Variants in ASIC2 observed in about 807,000 individuals in gnomAD.
The protein encoded by ASIC2 is acid-sensing ion channel 2.
Under a neutral mutation model 57.3 loss-of-function variants are expected in ASIC2, and 25 were observed. The observed-to-expected ratio is 0.44, with a 90% confidence interval of 0.32 to 0.61. The LOEUF (loss-of-function observed/expected upper bound fraction) is 0.61, where lower values mean the gene tolerates loss of function less well. Ranked by LOEUF, ASIC2 falls within the 20% of genes least tolerant of loss-of-function variation. The pLI is 0.06. For missense variants in ASIC2, 641 were observed against 738.1 expected (o/e 0.87, Z 1.52); for synonymous variants, 319 against 307.5 (o/e 1.04, Z -0.39).
intron 1 of ASIC2, among the ~76,000 whole-genome samples, chr17:33,371,985 G>A (rs980207294): frequency 3.3e-5 from 5 of 152,054 alleles, no homozygotes; most frequent in Non-Finnish European, 7.4e-5. Flanking sequence ...AGCTGGGGAG[G>A]CAGTGAGGGT....
At chr17:33,987,516 A>G (rs1905860006) in intron 1 of ASIC2, among the ~76,000 whole-genome samples, 1 of 152,174 alleles carries the variant, frequency 6.6e-6, no homozygotes, top group African/African-American at 2.4e-5. Context: ...CAGTCACCTC[A>G]TTTGAAATCT....
intron 1 of ASIC2, among the ~76,000 whole-genome samples, chr17:34,130,751 A>G (rs1911928632): frequency 6.6e-6 from 1 of 152,226 alleles, no homozygotes; most frequent in Non-Finnish European, 1.5e-5. Context: ...ATGTTTGCAT[A>G]ACTAGTGCAT....
chr17:34,064,384 G>T (rs767985168), intron 1 of ASIC2, among the ~76,000 whole-genome samples: 1 of 152,188 alleles, frequency 6.6e-6, no homozygotes, highest in Non-Finnish European at 1.5e-5. Context: ...ACTCAAGTTG[G>T]ATTAAGGACT....
chr17:33,590,746 C>T (rs1904801301), intron 1 of ASIC2, among the ~76,000 whole-genome samples: 1 of 152,240 alleles, frequency 6.6e-6, no homozygotes, highest in Non-Finnish European at 1.5e-5. Context: ...AACAGAGATT[C>T]ACTCATCACA....
At chr17:33,167,885 A>T (rs759831563) in intron 1 of ASIC2, among the ~76,000 whole-genome samples, 6 of 152,230 alleles carry the variant, frequency 3.9e-5, no homozygotes, top group Non-Finnish European at 8.8e-5. Flanking sequence ...TTCTAACCAG[A>T]TGCTATTGTC....
chr17:34,105,323 A>G lies in ASIC2; in HGVS notation c.555+50655T>C, dbSNP rs1236959042. 3.9e-5 allele frequency among the ~76,000 whole-genome samples: 6 copies of G among 152,024 alleles called. 1 individual carries two copies. In the South Asian group the frequency reaches 8.3e-4, roughly 21 times the overall value. On this transcript the variant is annotated intron_variant, in intron 1 of 9. Coordinates refer to the ASIC2 transcript ENST00000359872. ...ATTTCTTAATTCATGTTATTATACTATAGATAACTTGTGTTTTTCCTGTTT... is the reference window on the plus strand; with the variant it reads ...ATTTCTTAATTCATGTTATTATACTGTAGATAACTTGTGTTTTTCCTGTTT...
intron 1 of ASIC2, among the ~76,000 whole-genome samples, chr17:33,582,835 TA>T (rs1257548092): frequency 2.0e-5 from 3 of 152,174 alleles, no homozygotes; most frequent in Non-Finnish European, 2.9e-5. Flanking sequence ...AGATGAACAT[TA>T]AGAACATTCT....
At chr17:33,553,393 G>A (rs1915808804) in intron 1 of ASIC2, among the ~76,000 whole-genome samples, 2 of 136,324 alleles carry the variant, frequency 1.5e-5, no homozygotes, top group Middle Eastern at 3.8e-3. Context: ...AACTTAAAGG[G>A]GTAAGACTTG....
chr17:33,777,290 G>C (rs866020736), intron 1 of ASIC2, among the ~76,000 whole-genome samples: 5 of 152,240 alleles, frequency 3.3e-5, no homozygotes, highest in African/African-American at 1.2e-4. Flanking sequence ...TGGGGAAAAA[G>C]AGCATGTGTA....
At chr17:33,238,901 G>A (rs982245060) in intron 1 of ASIC2, among the ~76,000 whole-genome samples, 1 of 152,172 alleles carries the variant, frequency 6.6e-6, no homozygotes, top group African/African-American at 2.4e-5. Context: ...CTACTCAGGA[G>A]GCTGAGGATG....
intron 1 of ASIC2, among the ~76,000 whole-genome samples, chr17:33,247,080 A>T (rs1194436712): frequency 1.3e-5 from 2 of 152,248 alleles, no homozygotes; most frequent in African/African-American, 2.4e-5. Context: ...TTCTTGCCAT[A>T]GCACCTTCAT....
chr17:33,491,651 G>T (rs1913762793), intron 1 of ASIC2, among the ~76,000 whole-genome samples: 1 of 152,174 alleles, frequency 6.6e-6, no homozygotes, highest in African/African-American at 2.4e-5. Flanking sequence ...CATTCTGGGA[G>T]GCCAGGCCCC....
At chr17:33,538,050 C>T (rs1233475407) in intron 1 of ASIC2, among the ~76,000 whole-genome samples, 1 of 152,122 alleles carries the variant, frequency 6.6e-6, no homozygotes, top group Non-Finnish European at 1.5e-5. Context: ...GGTGGGAGCA[C>T]TAAAGGAATA....
At chr17:34,111,307 A>G (rs1911265465) in intron 1 of ASIC2, among the ~76,000 whole-genome samples, 1 of 148,288 alleles carries the variant, frequency 6.7e-6, no homozygotes, top group Non-Finnish European at 1.5e-5. Context: ...TATAATGTAT[A>G]TATATTATAT....
At chr17:33,092,029 C>T (rs990722828) in intron 2 of ASIC2, among the ~76,000 whole-genome samples, 3 of 152,182 alleles carry the variant, frequency 2.0e-5, no homozygotes, top group African/African-American at 7.2e-5. Context: ...AGACTACAGC[C>T]CTCCCAGAGC....
rs538894008 is a variant in ASIC2 at position 33,412,940 on chromosome 17, C to T, written c.556-300873G>A. ...TGAGAAGAGCGTGCAAGGAACCCCCCACCTGCTGCCCACAGCAAAGCTAAG... is the reference window on the plus strand; with the variant it reads ...TGAGAAGAGCGTGCAAGGAACCCCCTACCTGCTGCCCACAGCAAAGCTAAG... On this transcript the variant is annotated intron_variant, in intron 1 of 9. Transcript: ENST00000359872. Among the ~76,000 whole-genome samples the T allele has an allele frequency of 2.4e-4, 37 of 152,282 alleles. 1 individual carries two copies. In the South Asian group the frequency reaches 5.6e-3, roughly 23 times the overall value.
At chr17:33,058,319 C>A (rs2092005813) in intron 3 of ASIC2, among the ~76,000 whole-genome samples, 1 of 152,066 alleles carries the variant, frequency 6.6e-6, no homozygotes, top group South Asian at 2.1e-4. Flanking sequence ...GTGAGGCCGA[C>A]TGGAAAAGGA....
intron 3 of ASIC2, among the ~76,000 whole-genome samples, chr17:33,037,130 CAAAAAA>C (rs35845015): frequency 8.0e-6 from 1 of 125,612 alleles, no homozygotes; most frequent in Non-Finnish European, 1.6e-5. Flanking sequence ...GGTGTGGTAG[CAAAAAA>C]AAAAAAAAAA....
At chr17:33,771,151 T>G (rs1199308467) in intron 1 of ASIC2, among the ~76,000 whole-genome samples, 1 of 152,148 alleles carries the variant, frequency 6.6e-6, no homozygotes, top group African/African-American at 2.4e-5. Context: ...GTACAAGTAT[T>G]TATAATGGCA....
Sources: gnomAD v4.1 joint callset for allele counts (sites outside exome capture counted in the v4.1 genomes callset) on GRCh38, gnomAD v4.1.1 for gene constraint, MANE v1.5 for transcripts, NCBI Gene and HGNC (gene_info 2026-07-23, HGNC 2026-07-21) for gene names.